Variants in COL11A1 observed in about 807,000 individuals in gnomAD.
COL11A1 encodes the protein collagen type XI alpha 1 chain.
A neutral mutation model predicts 265.2 loss-of-function variants in COL11A1; 74 were observed. The ratio of observed to expected loss-of-function variants is 0.28; its 90% CI spans 0.23 to 0.34. The LOEUF (loss-of-function observed/expected upper bound fraction) is 0.34. Among genes scored for constraint, COL11A1 ranks in the 10% least tolerant of loss-of-function variants. The probability of loss-of-function intolerance (pLI) is 1.00; values close to 1 mark genes in which losing one functional copy is unlikely to be tolerated. For missense variants in COL11A1, 2,165 were observed against 2,263.6 expected, an observed-to-expected ratio of 0.96 and a Z score of 0.88; for synonymous variants, 816 against 727.6, an observed-to-expected ratio of 1.12 and a Z score of -1.96.
chr1:103,102,788 G>C (rs141951434), intron 1 of COL11A1, among the ~76,000 whole-genome samples: 1,879 of 151,976 alleles, frequency 0.012, 24 homozygotes, highest in Middle Eastern at 0.027. Flanking sequence ...CATGATAAAT[G>C]CTTTCACAGT....
In COL11A1 at chr1:102,962,726, C is replaced by T. The variant is rs147271219; in HGVS notation, c.2951G>A (p.Arg984His). 16 of 1,614,002 alleles carry T rather than the reference C, an allele frequency of 9.9e-6. No individual in the cohort carries two copies. Among genetic ancestry groups the T allele is most frequent in the African/African-American group, 4.0e-5 (3 of 74,920 alleles). The change falls in exon 39 of 67, where the codon CGT (arginine) becomes CAT (histidine). Residue 984 changes from arginine (R) to histidine (H), a missense_variant. Coordinates refer to ENST00000370096, the MANE Select transcript of COL11A1 (RefSeq NM_001854.4). ...AGGGCCAGGAGGGCCAGGATGCCCA[C>T]GTTCCCCTATTGGACCAGTCTCACC... ...PTGETGPIGERGHPGPPGPPG... is the reference protein window; with the variant it reads ...PTGETGPIGEHGHPGPPGPPG...
At chr1:103,037,725 G>C (rs1668485569) in intron 4 of COL11A1, among the ~76,000 whole-genome samples, 1 of 152,070 alleles carries the variant, frequency 6.6e-6, no homozygotes, top group Non-Finnish European at 1.5e-5. Flanking sequence ...AATTCCACAA[G>C]GCTTTCAATT....
intron 28 of COL11A1, among the ~76,000 whole-genome samples, chr1:102,991,485 C>G (rs1470811287): frequency 6.6e-6 from 1 of 152,082 alleles, no homozygotes; most frequent in Non-Finnish European, 1.5e-5. Context: ...TTGTCTTGAA[C>G]TCCTCCTAAA....
At position 103,022,929 on chromosome 1, in the gene COL11A1, T is replaced by G; in HGVS notation, c.1058A>C (p.Lys353Thr). 6.2e-7 allele frequency: 1 copy of G among 1,613,720 alleles called. No homozygotes were observed. The change falls in exon 8 of 67, where the codon AAA (lysine) becomes ACA (threonine). Residue 353 changes from lysine (K) to threonine (T), a missense_variant. Transcript: ENST00000370096. ...LTGEDYDSQR[K>T]NSEDTLYENK... ...TTCATATAGTGTATCCTCAGAATTT[T>G]TCCTCTGGGAATCATAATCCTCTCC...
At chr1:102,924,955 C>A (rs1022270297) in intron 46 of COL11A1, among the ~76,000 whole-genome samples, 28 of 151,556 alleles carry the variant, frequency 1.8e-4, no homozygotes, top group African/African-American at 6.8e-4. Context: ...GGATTTTTTT[C>A]AGTTTTTCAT....
rs1003817827 is a variant in COL11A1, at chr1:102,898,960, T to C, written c.4121A>G (p.Gln1374Arg). 8 of 1,544,504 alleles carry C rather than the reference T, an allele frequency of 5.2e-6. No homozygotes were observed. The highest frequency in any genetic ancestry group is 7.0e-6 in the Non-Finnish European group (8 of 1,136,428). ...PPGAAGAEGR[Q>R]GEKGAKGEAG... ...TTTTACCTTAGCACCTTTTTCACCT[T>C]GTCTTCCCTCTGCACCTGCAGCTCC... is the stretch of plus-strand genomic sequence containing the variant. Residue 1374 changes from glutamine to arginine, a missense_variant, in exon 55 of 67, where the codon CAA becomes CGA. Transcript: ENST00000370096.
intron 4 of COL11A1, among the ~76,000 whole-genome samples, chr1:103,051,913 T>C (rs1669863924): frequency 6.6e-6 from 1 of 152,226 alleles, no homozygotes; most frequent in African/African-American, 2.4e-5. Flanking sequence ...TTAAAACACA[T>C]AGTTCATAAG....
At chr1:103,001,053 A>G (rs2101822248) in intron 24 of COL11A1, 1 of 396,114 alleles carries the variant, frequency 2.5e-6, no homozygotes, top group South Asian at 1.3e-4. Context: ...TTTCATTCAC[A>G]TGAAATATTC....
At chr1:103,001,654 A>G in intron 24 of COL11A1, 1 of 479,530 alleles carries the variant, frequency 2.1e-6, no homozygotes. Flanking sequence ...GAAAATATTC[A>G]CTCATACCGT....
intron 14 of COL11A1, among the ~76,000 whole-genome samples, chr1:103,009,738 T>C (rs1665945547): frequency 6.6e-6 from 1 of 152,180 alleles, no homozygotes; most frequent in South Asian, 2.1e-4. Flanking sequence ...TAGCAATTTA[T>C]AGTCTCCTGG....
At chr1:102,996,767 G>T (rs550560471) in intron 26 of COL11A1, among the ~76,000 whole-genome samples, 1 of 151,662 alleles carries the variant, frequency 6.6e-6, no homozygotes, top group East Asian at 1.9e-4. Context: ...ATAAAATTGG[G>T]GTTACATAAG....
At chr1:103,063,102 G>C (rs986114323) in intron 4 of COL11A1, among the ~76,000 whole-genome samples, 1 of 152,022 alleles carries the variant, frequency 6.6e-6, no homozygotes, top group Non-Finnish European at 1.5e-5. Context: ...TATGTTCATG[G>C]ATAGAATGAC....
intron 31 of COL11A1, among the ~76,000 whole-genome samples, chr1:102,981,437 G>A (rs181724370): frequency 1.2e-4 from 18 of 152,044 alleles, no homozygotes; most frequent in African/African-American, 4.1e-4. Context: ...ACTAGAAGAG[G>A]TAACAGCATA....
chr1:103,006,640 C>G (rs970519165), intron 15 of COL11A1, among the ~76,000 whole-genome samples: 6 of 143,730 alleles, frequency 4.2e-5, no homozygotes, highest in African/African-American at 1.5e-4. Context: ...CAGGTTCACA[C>G]CATTCTCCTG....
At chr1:102,896,173 C>T (rs1211751102) in intron 57 of COL11A1, among the ~76,000 whole-genome samples, 8 of 149,302 alleles carry the variant, frequency 5.4e-5, no homozygotes, top group African/African-American at 2.0e-4. Context: ...TGGATAGAGG[C>T]TAGCAATATT....
At chr1:102,923,761 T>C (rs955159372) in intron 46 of COL11A1, among the ~76,000 whole-genome samples, 1 of 152,078 alleles carries the variant, frequency 6.6e-6, no homozygotes, top group Non-Finnish European at 1.5e-5. Context: ...TATTTTAGTA[T>C]ATGAGGTTTT....
At chr1:103,098,686 A>C (rs1293633295) in intron 1 of COL11A1, among the ~76,000 whole-genome samples, 1 of 151,860 alleles carries the variant, frequency 6.6e-6, no homozygotes, top group African/African-American at 2.4e-5. Flanking sequence ...ACCATCAAAA[A>C]TATTTTGAGA....
chr1:102,981,825 C>T (rs1480819237), intron 31 of COL11A1, among the ~76,000 whole-genome samples: 1 of 151,880 alleles, frequency 6.6e-6, no homozygotes, highest in African/African-American at 2.4e-5. Context: ...TTAGAAACAG[C>T]TATCATTTTA....
chr1:102,912,280 A>G, intron 53 of COL11A1, 68 bp from the exon 54 acceptor site: 1 of 1,290,486 alleles, frequency 7.7e-7, no homozygotes, highest in Non-Finnish European at 1.1e-6. Context: ...AAATTTTCAA[A>G]ATCTGGATGG....
Sources: gnomAD v4.1 joint callset for allele counts (sites outside exome capture counted in the v4.1 genomes callset) on GRCh38, gnomAD v4.1.1 for gene constraint, MANE v1.5 for transcripts, NCBI Gene and HGNC (gene_info 2026-07-23, HGNC 2026-07-21) for gene names.